The following CTNND2 variants were observed in gnomAD, a reference collection of about 807,000 sequenced individuals.
CTNND2 encodes catenin delta-2.
In CTNND2, 22 loss-of-function variants were observed where a neutral mutation model predicts 144.4. The observed-to-expected ratio is 0.15, with a 90% confidence interval of 0.11 to 0.22. The LOEUF (loss-of-function observed/expected upper bound fraction) is 0.22, where lower values mean the gene tolerates loss of function less well. CTNND2 is among the 10% of genes least tolerant of loss of function. CTNND2 has a pLI of 1.00. For synonymous variants in CTNND2, 751 were observed against 695.6 expected (o/e 1.08, Z -1.25); for missense variants, 1,353 against 1,618.8 (o/e 0.84, Z 2.82).
intron 5 of CTNND2, among the ~76,000 whole-genome samples, chr5:11,411,226 G>C (rs1761504685): frequency 6.6e-6 from 1 of 152,074 alleles, no homozygotes; most frequent in Admixed American, 6.6e-5. Flanking sequence ...AATATATGAT[G>C]AGTTCATAAA....
chr5:11,820,046 G>A (rs561668427), intron 1 of CTNND2, among the ~76,000 whole-genome samples: 2 of 152,258 alleles, frequency 1.3e-5, no homozygotes, highest in South Asian at 4.1e-4. Flanking sequence ...ATGTCTGACT[G>A]CCTGCTTCCC....
chr5:11,889,924 A>G (rs1736831956), intron 1 of CTNND2, among the ~76,000 whole-genome samples: 1 of 152,198 alleles, frequency 6.6e-6, no homozygotes, highest in Admixed American at 6.5e-5. Flanking sequence ...GTCTTTTAAA[A>G]TATTCTACTT....
chr5:11,670,225 G>A (rs1783810393), intron 2 of CTNND2, among the ~76,000 whole-genome samples: 2 of 152,176 alleles, frequency 1.3e-5, no homozygotes, highest in African/African-American at 4.8e-5. Flanking sequence ...TGTATATACT[G>A]TTGATTTGGG....
intron 3 of CTNND2, among the ~76,000 whole-genome samples, chr5:11,555,485 A>G (rs1345406084): frequency 1.3e-5 from 2 of 152,178 alleles, no homozygotes; most frequent in Non-Finnish European, 2.9e-5. Flanking sequence ...CTGTTAAAGA[A>G]GCAACGGCTG....
chr5:11,599,775 G>A (rs1561607365), intron 2 of CTNND2, among the ~76,000 whole-genome samples: 1 of 152,162 alleles, frequency 6.6e-6, no homozygotes, highest in Admixed American at 6.5e-5. Context: ...CTCAGACCAG[G>A]AAGCTTGCTA....
intron 11 of CTNND2, among the ~76,000 whole-genome samples, chr5:11,197,984 T>C (rs567891280): frequency 6.6e-6 from 1 of 152,318 alleles, no homozygotes; most frequent in East Asian, 1.9e-4. Flanking sequence ...TGGTCTTCCT[T>C]TCTCGTGGCT....
At chr5:11,507,454 A>G (rs1201749203) in intron 3 of CTNND2, among the ~76,000 whole-genome samples, 1 of 152,172 alleles carries the variant, frequency 6.6e-6, no homozygotes, top group Non-Finnish European at 1.5e-5. Flanking sequence ...GCAGAAAGGA[A>G]CTGGGCTTTT....
intron 18 of CTNND2, among the ~76,000 whole-genome samples, chr5:11,006,000 A>G (rs559773651): frequency 6.6e-6 from 1 of 152,298 alleles, no homozygotes; most frequent in African/African-American, 2.4e-5. Flanking sequence ...GTGGTTTGTG[A>G]AGGGATCTTG....
chr5:11,799,099 T>A (rs1466075809), intron 1 of CTNND2, among the ~76,000 whole-genome samples: 1 of 152,144 alleles, frequency 6.6e-6, no homozygotes, highest in Admixed American at 6.5e-5. Flanking sequence ...TCTATAAACC[T>A]CAATTCATAC....
At chr5:11,862,441 G>C (rs756896503) in intron 1 of CTNND2, among the ~76,000 whole-genome samples, 1 of 152,044 alleles carries the variant, frequency 6.6e-6, no homozygotes, top group South Asian at 2.1e-4. Context: ...TACTTTGAAG[G>C]CACCATGGTT....
chr5:11,672,039 T>C (rs1783898161), intron 2 of CTNND2, among the ~76,000 whole-genome samples: 1 of 152,180 alleles, frequency 6.6e-6, no homozygotes, highest in African/African-American at 2.4e-5. Flanking sequence ...GTGAAGCCGC[T>C]CTGAGGCAGG....
chr5:11,184,976 G>A (rs1203881077), intron 11 of CTNND2, among the ~76,000 whole-genome samples: 2 of 152,188 alleles, frequency 1.3e-5, no homozygotes, highest in African/African-American at 4.8e-5. Flanking sequence ...GAGTGCTTGT[G>A]CCTTAGTCTG....
At chr5:11,242,879 C>A (rs1299337561) in intron 9 of CTNND2, among the ~76,000 whole-genome samples, 1 of 152,048 alleles carries the variant, frequency 6.6e-6, no homozygotes, top group Non-Finnish European at 1.5e-5. Context: ...TTCCATGGAT[C>A]AATATATAAA....
In CTNND2 at chr5:11,346,463, C is replaced by T. The variant is rs781372774; in HGVS notation, c.1537G>A (p.Glu513Lys). Residue 513 changes from glutamate (E) to lysine (K), a missense_variant, in exon 9 of 22, where the codon GAG becomes AAG. This residue lies in a region of CTNND2 where 708 missense variants were observed against 706.4 expected (regional missense o/e 1.00). Coordinates refer to ENST00000304623, the MANE Select transcript of CTNND2 (RefSeq NM_001332.4). ...YRQLQYCPSVESPYSKSGPAL... is the reference protein window; with the variant it reads ...YRQLQYCPSVKSPYSKSGPAL... ...GGGCCGGATTTGCTGTATGGAGACT[C>T]AACAGAGGGACAATACTGCAGCTGT... The T allele has an allele frequency of 6.3e-7, 1 of 1,596,638 alleles. No individual in the cohort carries two copies. The highest frequency in any genetic ancestry group is 1.1e-5 in the South Asian group (1 of 88,592).
chr5:11,543,893 G>A (rs1330585058), intron 3 of CTNND2, among the ~76,000 whole-genome samples: 1 of 152,054 alleles, frequency 6.6e-6, no homozygotes, highest in African/African-American at 2.4e-5. Context: ...CATCTTTCTT[G>A]GAAGACCATA....
chr5:11,026,910 C>T lies in CTNND2; in HGVS notation c.2789-3931G>A, dbSNP rs144967918. On this transcript the variant is annotated intron_variant, in intron 16 of 21. Transcript: ENST00000304623. ...GGAAACAGGATTCAGAGATTTCACG[C>T]GGGAATAACACAGAGGGTAGTAAAA... 2.3e-4 allele frequency among the ~76,000 whole-genome samples: 35 copies of T among 152,050 alleles called. No individual in the cohort carries two copies. The East Asian group carries it at 5.4e-3, about 23-fold the overall frequency.
chr5:11,332,000 G>A (rs545914107), intron 9 of CTNND2, among the ~76,000 whole-genome samples: 1 of 152,250 alleles, frequency 6.6e-6, no homozygotes, highest in Admixed American at 6.5e-5. Flanking sequence ...TGTAGGCCGG[G>A]CATGGTGGCT....
intron 9 of CTNND2, among the ~76,000 whole-genome samples, chr5:11,311,309 C>T (rs72491393): frequency 0.011 from 1,591 of 139,308 alleles, 37 homozygotes; most frequent in East Asian, 0.036. Flanking sequence ...CTCTCATACC[C>T]ACTCACCCTC....
chr5:11,870,653 C>A (rs1735031816), intron 1 of CTNND2, among the ~76,000 whole-genome samples: 1 of 152,174 alleles, frequency 6.6e-6, no homozygotes, highest in South Asian at 2.1e-4. Context: ...TTCCACATCT[C>A]CTGAAGAGCA....
Sources: allele counts gnomAD v4.1 joint callset (sites outside exome capture counted in the v4.1 genomes callset), GRCh38; gene constraint gnomAD v4.1.1; regional missense constraint gnomAD v4.1.1; transcripts MANE v1.5; gene names NCBI Gene and HGNC (gene_info 2026-07-23, HGNC 2026-07-21).